The following ESR1 variants were observed in gnomAD, a reference collection of about 807,000 sequenced individuals.
ESR1 encodes estrogen receptor 1.
Under a neutral mutation model 52.7 loss-of-function variants are expected in ESR1, and 12 were observed. The ratio of observed to expected loss-of-function variants is 0.23; its 90% confidence interval spans 0.15 to 0.37. The LOEUF is 0.37. Ranked by LOEUF, ESR1 falls within the 10% of genes least tolerant of loss-of-function variation. ESR1 has a pLI of 1.00. For missense variants in ESR1, 584 were observed against 779.7 expected, an observed-to-expected ratio of 0.75 and a Z score of 2.99; for synonymous variants, 305 against 316.8, an observed-to-expected ratio of 0.96 and a Z score of 0.39.
At chr6:152,095,883 C>G (rs1225105374) in intron 7 of ESR1, among the ~76,000 whole-genome samples, 1 of 152,172 alleles carries the variant, frequency 6.6e-6, no homozygotes, top group Non-Finnish European at 1.5e-5. Context: ...ATGTAGAGCA[C>G]ATAGTAAATA....
At chr6:151,741,739 T>C (rs985120132) in intron 2 of ESR1, among the ~76,000 whole-genome samples, 3 of 152,164 alleles carry the variant, frequency 2.0e-5, no homozygotes, top group Admixed American at 6.5e-5. Flanking sequence ...AATAAAATGA[T>C]TACTACAGTG....
intron 4 of ESR1, among the ~76,000 whole-genome samples, chr6:151,947,761 C>G (rs564144244): frequency 6.6e-6 from 1 of 152,062 alleles, no homozygotes; most frequent in Admixed American, 6.6e-5. Context: ...TTCTGGTAGA[C>G]CTGGATAAAG....
Position 151,760,672 on chromosome 6 carries a change from C to T in ESR1, c.-70-47171C>T, listed in dbSNP as rs1220112967. 5.9e-5 allele frequency among the ~76,000 whole-genome samples: 9 copies of T among 152,160 alleles called. No homozygotes were observed. The East Asian group carries it at 7.7e-4, about 13-fold the overall frequency. ...TGGTAAGACACTTCTTTGAGTCCTC[C>T]GAGGCGAGTTGCTGCCCCCCAGCAC... is the stretch of plus-strand genomic sequence containing the variant. On this transcript the variant is annotated intron_variant, in intron 2 of 2. Coordinates refer to the ESR1 transcript ENST00000404742.
upstream of ESR1, among the ~76,000 whole-genome samples, chr6:151,806,542 A>G (rs1777891222): frequency 2.1e-5 from 3 of 141,664 alleles, no homozygotes. Context: ...ATATATATAT[A>G]TATATATATA....
At chr6:151,663,966 C>T (rs187425256) in intron 1 of ESR1, among the ~76,000 whole-genome samples, 30 of 152,254 alleles carry the variant, frequency 2.0e-4, no homozygotes, top group Non-Finnish European at 3.2e-4. Context: ...TTTTGATTCC[C>T]TCTGCCCCGG....
At chr6:151,988,204 T>C (rs116783120) in intron 4 of ESR1, among the ~76,000 whole-genome samples, 3 of 152,090 alleles carry the variant, frequency 2.0e-5, no homozygotes, top group Non-Finnish European at 4.4e-5. Context: ...ATAGAATCAA[T>C]GGGAGCCTTG....
At chr6:151,749,127 A>G (rs1783705345) in intron 2 of ESR1, among the ~76,000 whole-genome samples, 1 of 151,472 alleles carries the variant, frequency 6.6e-6, no homozygotes, top group African/African-American at 2.4e-5. Flanking sequence ...ATATTAGGCC[A>G]TAGGCTAAGC....
chr6:151,886,043 G>GT (rs564307338), intron 3 of ESR1, among the ~76,000 whole-genome samples: 32 of 145,858 alleles, frequency 2.2e-4, no homozygotes, highest in South Asian at 6.6e-4. Context: ...GCACTGCTGG[G>GT]TTTTTTTTTT....
intron 2 of ESR1, among the ~76,000 whole-genome samples, chr6:151,849,282 T>C (rs546536063): frequency 6.6e-6 from 1 of 152,328 alleles, no homozygotes; most frequent in Admixed American, 6.5e-5. Context: ...TGTTTGTTGC[T>C]ATAGCTCCAG....
intron 2 of ESR1, among the ~76,000 whole-genome samples, chr6:151,783,829 T>C (rs572417426): frequency 1.3e-5 from 2 of 152,350 alleles, no homozygotes; most frequent in Admixed American, 1.3e-4. Context: ...CATTACATTC[T>C]GTTGCCATGA....
intron 5 of ESR1, among the ~76,000 whole-genome samples, chr6:152,060,262 T>C (rs2047443100): frequency 6.6e-6 from 1 of 152,188 alleles, no homozygotes; most frequent in Admixed American, 6.5e-5. Flanking sequence ...TCTAAAAATA[T>C]CAAGATCTGA....
At chr6:151,692,252 A>G (rs1445094556) in intron 1 of ESR1, among the ~76,000 whole-genome samples, 1 of 152,110 alleles carries the variant, frequency 6.6e-6, no homozygotes, top group Non-Finnish European at 1.5e-5. Flanking sequence ...CCCTTCAAAC[A>G]CTCACTCTAA....
At chr6:151,699,588 TCA>T (rs1779616961) in intron 1 of ESR1, among the ~76,000 whole-genome samples, 1 of 152,184 alleles carries the variant, frequency 6.6e-6, no homozygotes, top group Admixed American at 6.5e-5. Flanking sequence ...AAGGCAACCC[TCA>T]AAAATATTGA....
chr6:151,812,212 T>C (rs1778938225), intron 1 of ESR1, among the ~76,000 whole-genome samples: 1 of 152,176 alleles, frequency 6.6e-6, no homozygotes, highest in Admixed American at 6.5e-5. Flanking sequence ...TTAAGTGAGA[T>C]TGTATATGTG....
At chr6:151,921,540 T>C (rs1246524072) in intron 3 of ESR1, among the ~76,000 whole-genome samples, 1 of 152,212 alleles carries the variant, frequency 6.6e-6, no homozygotes, top group Non-Finnish European at 1.5e-5. Context: ...AACTAATTAA[T>C]TTACATTCCG....
chr6:151,687,641 G>A (rs1431320184), upstream of ESR1, among the ~76,000 whole-genome samples: 2 of 152,252 alleles, frequency 1.3e-5, no homozygotes, highest in East Asian at 1.9e-4. Context: ...CAGACAGATT[G>A]CATCCATTTT....
At chr6:152,033,960 C>T (rs1194778762) in intron 5 of ESR1, among the ~76,000 whole-genome samples, 4 of 152,068 alleles carry the variant, frequency 2.6e-5, no homozygotes, top group African/African-American at 9.7e-5. Context: ...ACTATGCAGC[C>T]ATAAAAAAGG....
intron 6 of ESR1, among the ~76,000 whole-genome samples, chr6:152,074,213 C>T (rs7776315): frequency 0.21 from 31,203 of 152,100 alleles, 4,418 homozygotes; most frequent in African/African-American, 0.39. Context: ...AATAATTTCA[C>T]TGCCCTAAAA....
At chr6:151,662,962 G>A (rs922295981) in intron 1 of ESR1, among the ~76,000 whole-genome samples, 1 of 152,158 alleles carries the variant, frequency 6.6e-6, no homozygotes, top group African/African-American at 2.4e-5. Flanking sequence ...TAACTCAGGA[G>A]ACCTGATTCC....
Sources: allele counts gnomAD v4.1 joint callset (sites outside exome capture counted in the v4.1 genomes callset), GRCh38; gene constraint gnomAD v4.1.1; transcripts MANE v1.5; gene names NCBI Gene and HGNC (gene_info 2026-07-23, HGNC 2026-07-21).